Variants in RGS17 observed in about 807,000 individuals in gnomAD.
The protein encoded by RGS17 is regulator of G-protein signaling 17.
In RGS17, 12 loss-of-function variants were observed where a neutral mutation model predicts 25.5. The observed-to-expected ratio is 0.47, with a 90% CI of 0.30 to 0.76. RGS17 has a LOEUF of 0.76. RGS17 is among the 30% of genes least tolerant of loss of function. The pLI is 0.07. For missense variants in RGS17, 196 were observed against 242.2 expected (o/e 0.81, Z 1.27); for synonymous variants, 71 against 76.9 (o/e 0.92, Z 0.40).
intron 4 of RGS17, among the ~76,000 whole-genome samples, chr6:153,018,819 A>T (rs1276078992): frequency 6.6e-6 from 1 of 152,222 alleles, no homozygotes; most frequent in Non-Finnish European, 1.5e-5. Flanking sequence ...TTTGAATGAT[A>T]ATATGCGTGC....
intron 1 of RGS17, among the ~76,000 whole-genome samples, chr6:153,077,551 G>A (rs1013878564): frequency 6.6e-6 from 1 of 152,066 alleles, no homozygotes; most frequent in Non-Finnish European, 1.5e-5. Context: ...ATATCTTTCT[G>A]TAGGTTTTAA....
At chr6:153,045,915 A>G (rs1267710990) in intron 1 of RGS17, among the ~76,000 whole-genome samples, 3 of 152,210 alleles carry the variant, frequency 2.0e-5, no homozygotes, top group African/African-American at 4.8e-5. Context: ...CACTATTCAC[A>G]ATAGCCAAGA....
At chr6:153,059,079 G>C (rs552849453) in intron 1 of RGS17, among the ~76,000 whole-genome samples, 7 of 152,000 alleles carry the variant, frequency 4.6e-5, no homozygotes, top group Admixed American at 2.6e-4. Flanking sequence ...TTTCCTACTT[G>C]ATATACAGTC....
intron 2 of RGS17, among the ~76,000 whole-genome samples, chr6:153,036,463 C>T (rs1409555152): frequency 6.6e-6 from 1 of 152,162 alleles, no homozygotes; most frequent in African/African-American, 2.4e-5. Context: ...AGGTTTCTGT[C>T]TGTAGCTCCC....
rs1371960019 is a variant in RGS17, at chr6:153,020,109, A to ATATATAT, written c.444+4152_444+4153insATATATA. On this transcript the variant is annotated intron_variant, in intron 4 of 4. Transcript: ENST00000206262. Reference sequence around the variant, plus strand: ...CTAATTGCAAATATCTTAAAAAAAAAAAATATATATATATATATATATATA... The same window carrying ATATATAT: ...CTAATTGCAAATATCTTAAAAAAAAATATATATAAATATATATATATATATATATATA... Among the ~76,000 whole-genome samples the ATATATAT allele has an allele frequency of 1.8e-4, 11 of 60,862 alleles. 1 individual carries two copies. In the South Asian group the frequency reaches 2.5e-3, roughly 14 times the overall value. The allele number at this position is 60,862 out of a possible 152,430, so 39.9% of individuals were successfully genotyped here.
chr6:153,037,211 C>T (rs1300034883), intron 2 of RGS17, among the ~76,000 whole-genome samples: 1 of 151,422 alleles, frequency 6.6e-6, no homozygotes, highest in Middle Eastern at 3.4e-3. Context: ...GACACACACA[C>T]ACACACACAC....
chr6:153,045,294 A>G (rs1329750450), intron 1 of RGS17, among the ~76,000 whole-genome samples: 4 of 152,194 alleles, frequency 2.6e-5, no homozygotes, highest in South Asian at 2.1e-4. Context: ...ATGCTCCCCT[A>G]GGAGGAGTGG....
chr6:153,100,867 C>T (rs544950789), intron 1 of RGS17, among the ~76,000 whole-genome samples: 63 of 152,300 alleles, frequency 4.1e-4, no homozygotes, highest in African/African-American at 1.3e-3. Context: ...GTTCAAAACA[C>T]GTTCAAAAAA....
chr6:153,098,611 G>A (rs910975057), intron 1 of RGS17, among the ~76,000 whole-genome samples: 1 of 152,064 alleles, frequency 6.6e-6, no homozygotes, highest in African/African-American at 2.4e-5. Flanking sequence ...TTCTCTCCAT[G>A]AATTATAAAC....
intron 1 of RGS17, among the ~76,000 whole-genome samples, chr6:153,070,708 CAT>C (rs138633492): frequency 2.1e-4 from 27 of 126,054 alleles, no homozygotes; most frequent in African/African-American, 7.3e-4. Flanking sequence ...TGTGTATATA[CAT>C]ATATATATAC....
rs143488967 is a variant in RGS17 at position 153,067,751 on chromosome 6, T to G, written c.-25-23708A>C. On this transcript the variant is annotated intron_variant, in intron 1 of 4. Transcript: ENST00000206262. ...CATACTACCCCAAACAATCTAAAGA[T>G]TCTATGCAATCTCTATCAAAGTACC... 3.0e-4 allele frequency among the ~76,000 whole-genome samples: 46 copies of G among 152,298 alleles called. 1 individual carries two copies. In the East Asian group the frequency reaches 8.5e-3, roughly 28 times the overall value.
chr6:153,079,694 G>GAT (rs1776943880), intron 1 of RGS17, among the ~76,000 whole-genome samples: 1 of 151,806 alleles, frequency 6.6e-6, no homozygotes, highest in South Asian at 2.1e-4. Context: ...TATATTGCTG[G>GAT]ATATGAATAG....
At chr6:153,095,621 T>C (rs1004290894) in intron 1 of RGS17, among the ~76,000 whole-genome samples, 1 of 152,116 alleles carries the variant, frequency 6.6e-6, no homozygotes, top group Non-Finnish European at 1.5e-5. Context: ...AAGTAAGTAT[T>C]TAAAAAGGAA....
chr6:153,033,739 A>AAAAAT (rs1302578924), intron 2 of RGS17, among the ~76,000 whole-genome samples: 2 of 152,010 alleles, frequency 1.3e-5, no homozygotes, highest in Non-Finnish European at 2.9e-5. Context: ...ATAAATAAAT[A>AAAAAT]AAAATAAAAT....
intron 1 of RGS17, among the ~76,000 whole-genome samples, chr6:153,071,025 ATG>A (rs1776793324): frequency 6.8e-6 from 1 of 148,146 alleles, no homozygotes; most frequent in Non-Finnish European, 1.5e-5. Flanking sequence ...GTATGTGTAT[ATG>A]TATATATACG....
intron 1 of RGS17, among the ~76,000 whole-genome samples, chr6:153,090,850 A>AGT (rs1268882153): frequency 2.6e-5 from 3 of 116,640 alleles, no homozygotes; most frequent in African/African-American, 1.1e-4. Context: ...AAAAAAACAT[A>AGT]GTATATATAT....
rs552578523 is a variant in RGS17 at position 153,102,558 on chromosome 6, G to A, written c.-26+28566C>T. Among the ~76,000 whole-genome samples, 13 of 152,212 alleles carry A rather than the reference G, an allele frequency of 8.5e-5. No homozygotes were observed. The East Asian group carries it at 2.1e-3, about 25-fold the overall frequency. On this transcript the variant is annotated intron_variant, in intron 1 of 4. Coordinates refer to ENST00000206262, the MANE Select transcript of RGS17 (RefSeq NM_012419.5). Reference sequence around the variant, plus strand: ...TGGTGAGAGGTGATTGGATCATGGGGGCAGCTTCCCCCATGCCGTTCTCAT... The same window carrying A: ...TGGTGAGAGGTGATTGGATCATGGGAGCAGCTTCCCCCATGCCGTTCTCAT...
At chr6:153,016,174 C>A (rs984230341) in intron 4 of RGS17, among the ~76,000 whole-genome samples, 12 of 152,206 alleles carry the variant, frequency 7.9e-5, no homozygotes, top group Non-Finnish European at 1.3e-4. Flanking sequence ...GTTATTACCA[C>A]ATGAGGTCAC....
intron 1 of RGS17, among the ~76,000 whole-genome samples, chr6:153,085,995 T>G (rs1777048124): frequency 6.6e-6 from 1 of 152,186 alleles, no homozygotes; most frequent in Admixed American, 6.5e-5. Flanking sequence ...TGGGATCATA[T>G]TTATCTGTGT....
Sources: gnomAD v4.1 joint callset for allele counts (sites outside exome capture counted in the v4.1 genomes callset) on GRCh38, gnomAD v4.1.1 for gene constraint, MANE v1.5 for transcripts, NCBI Gene and HGNC (gene_info 2026-07-23, HGNC 2026-07-21) for gene names.